Variants in GUCY1A2 observed in about 807,000 individuals in gnomAD.
The protein encoded by GUCY1A2 is guanylate cyclase 1 soluble subunit alpha 2.
In GUCY1A2, 27 loss-of-function variants were observed where a neutral mutation model predicts 63.5. The observed-to-expected ratio is 0.43, with a 90% CI of 0.31 to 0.59. The LOEUF (loss-of-function observed/expected upper bound fraction) is 0.59. Ranked by LOEUF, GUCY1A2 falls within the 20% of genes least tolerant of loss-of-function variation. The pLI, the probability that GUCY1A2 is intolerant of heterozygous loss-of-function variation, is 0.11. For synonymous variants in GUCY1A2, 364 were observed against 343.5 expected, an observed-to-expected ratio of 1.06 and a Z score of -0.66; for missense variants, 768 against 913.3, an observed-to-expected ratio of 0.84 and a Z score of 2.05.
chr11:106,940,030 A>G lies in GUCY1A2; in HGVS notation c.636T>C (p.Thr212=). 5 of 1,614,068 alleles carry G rather than the reference A, an allele frequency of 3.1e-6. No individual in the cohort carries two copies. The highest frequency in any genetic ancestry group is 4.2e-6 in the Non-Finnish European group (5 of 1,179,944). ...GFDALLEHIR[T]SFGKQATLES... is the part of the protein sequence containing the mutation. ...CCAGAGTGGCCTGTTTTCCAAAAGA[A>G]GTTCTAATGTGTTCCAACAAAGCAT... The change falls in exon 4 of 8, where the codon ACT becomes ACC. Residue 212 remains threonine, a synonymous_variant. Coordinates refer to ENST00000526355, the MANE Select transcript of GUCY1A2 (RefSeq NM_000855.3).
intron 5 of GUCY1A2, among the ~76,000 whole-genome samples, chr11:106,791,885 G>C (rs1398799671): frequency 6.6e-6 from 1 of 151,902 alleles, no homozygotes; most frequent in African/African-American, 2.4e-5. Context: ...AGAAGAGCTG[G>C]TACCATTCCT....
intron 4 of GUCY1A2, among the ~76,000 whole-genome samples, chr11:106,820,666 G>A (rs190401881): frequency 2.6e-5 from 4 of 152,254 alleles, no homozygotes; most frequent in Non-Finnish European, 5.9e-5. Flanking sequence ...CCAAAGTGCC[G>A]GGATTATAGG....
Position 106,776,821 on chromosome 11 carries a change from A to G in GUCY1A2, c.1693-239T>C, listed in dbSNP as rs148545929. On this transcript the variant is annotated intron_variant, in intron 5 of 7. Coordinates refer to ENST00000526355, the MANE Select transcript of GUCY1A2 (RefSeq NM_000855.3). The stretch of plus-strand genomic sequence containing the variant: ...ACTAGAGATGATCATTGAAATTAGG[A>G]ACAACTATAATATAAAATAATTATC... 1.3e-3 allele frequency among the ~76,000 whole-genome samples: 203 copies of G among 152,262 alleles called. 1 individual carries two copies. The highest frequency in any genetic ancestry group is 4.8e-3 in the African/African-American group (199 of 41,550).
intron 6 of GUCY1A2, among the ~76,000 whole-genome samples, chr11:106,755,335 G>A (rs1863954307): frequency 6.6e-6 from 1 of 151,668 alleles, no homozygotes; most frequent in Non-Finnish European, 1.5e-5. Flanking sequence ...TTTTTTTTGT[G>A]TCTCTACCTC....
intron 4 of GUCY1A2, among the ~76,000 whole-genome samples, chr11:106,881,363 C>A (rs1859820916): frequency 6.6e-6 from 1 of 152,050 alleles, no homozygotes; most frequent in Non-Finnish European, 1.5e-5. Flanking sequence ...AAAGCTCTGA[C>A]TTCATGAATT....
At chr11:106,955,622 G>A (rs1860973938) in intron 3 of GUCY1A2, among the ~76,000 whole-genome samples, 1 of 152,130 alleles carries the variant, frequency 6.6e-6, no homozygotes, top group Non-Finnish European at 1.5e-5. Flanking sequence ...TTAAATATTG[G>A]CCCCCAATCT....
intron 4 of GUCY1A2, among the ~76,000 whole-genome samples, chr11:106,889,691 C>T (rs1439413430): frequency 6.6e-6 from 1 of 152,176 alleles, no homozygotes; most frequent in Non-Finnish European, 1.5e-5. Context: ...TGCTTCACCT[C>T]CCACTGTCCA....
At chr11:106,703,636 C>A (rs529977865) in intron 7 of GUCY1A2, among the ~76,000 whole-genome samples, 5 of 152,112 alleles carry the variant, frequency 3.3e-5, no homozygotes, top group African/African-American at 1.2e-4. Flanking sequence ...GGCCTCATGA[C>A]GCCCACGCTG....
Position 106,680,551 on chromosome 11 carries a change from AG to A in GUCY1A2, c.*6997del, listed in dbSNP as rs1245474707. On this transcript the variant is annotated 3_prime_UTR_variant, in exon 8 of 8. Transcript: ENST00000526355. ...TCAGCAACTAGCTGAATTAACTGGA[AG>A]GATAACTTCAGTGTAATTTAATAGA... 1 of 197,468 alleles carries A rather than the reference AG, an allele frequency of 5.1e-6. No individual in the cohort carries two copies. Among genetic ancestry groups the A allele is most frequent in the Non-Finnish European group, 1.0e-5 (1 of 95,398 alleles). The allele number at this position is 197,468 out of a possible 1,614,324, so 12.2% of individuals were successfully genotyped here.
intron 4 of GUCY1A2, among the ~76,000 whole-genome samples, chr11:106,907,167 C>G (rs1014347841): frequency 2.4e-4 from 36 of 152,192 alleles, no homozygotes; most frequent in African/African-American, 8.2e-4. Flanking sequence ...AACCAAAGAA[C>G]TGTTGTTTCC....
At chr11:107,017,651 A>AGCGGTCGGGCTCT in intron 1 of GUCY1A2, 102 bp downstream of exon 1, 2 of 581,064 alleles carry the variant, frequency 3.4e-6, no homozygotes, top group Non-Finnish European at 5.1e-6. Flanking sequence ...GCCGCCCCCC[A>AGCGGTCGGGCTCT]GCGGTCGGGC....
At chr11:106,834,009 A>C (rs1442977964) in intron 4 of GUCY1A2, among the ~76,000 whole-genome samples, 1 of 152,022 alleles carries the variant, frequency 6.6e-6, no homozygotes, top group African/African-American at 2.4e-5. Context: ...ATATACTGTG[A>C]ATTGATTACC....
chr11:107,005,771 T>C (rs1861663107), intron 1 of GUCY1A2, among the ~76,000 whole-genome samples: 1 of 152,160 alleles, frequency 6.6e-6, no homozygotes, highest in South Asian at 2.1e-4. Context: ...GTTTTTAAGA[T>C]TTCTGAAAGA....
intron 3 of GUCY1A2, among the ~76,000 whole-genome samples, chr11:106,950,245 C>T (rs1300407540): frequency 1.3e-5 from 2 of 152,226 alleles, no homozygotes; most frequent in African/African-American, 4.8e-5. Context: ...CAGATGCTGG[C>T]AACCTGGCAG....
In GUCY1A2 at chr11:106,923,231, T is replaced by A. The variant is rs1385453605; in HGVS notation, c.1206+16229A>T. On this transcript the variant is annotated intron_variant, in intron 4 of 7. Transcript: ENST00000526355. ...GGATGAATAATTGTATCGAATATAA[T>A]ACCTTACATAAGCAGTGCCCTTTAA... 2.0e-5 allele frequency among the ~76,000 whole-genome samples: 3 copies of A among 152,212 alleles called. No homozygotes were observed. The East Asian group carries it at 5.8e-4, about 29-fold the overall frequency.
At chr11:106,856,105 AT>A (rs142419502) in intron 4 of GUCY1A2, among the ~76,000 whole-genome samples, 10 of 146,112 alleles carry the variant, frequency 6.8e-5, no homozygotes, top group Admixed American at 6.8e-5. Context: ...TTTTTTTTGT[AT>A]TTTTTTTTTG....
chr11:106,721,329 G>A (rs983752153), intron 6 of GUCY1A2, among the ~76,000 whole-genome samples: 6 of 152,156 alleles, frequency 3.9e-5, no homozygotes, highest in African/African-American at 1.4e-4. Context: ...AAAGTGCTGG[G>A]ATTACAGGAG....
rs1052027492 is a variant in GUCY1A2, at chr11:106,793,505, C to T, written c.1692+16488G>A. 5.9e-5 allele frequency among the ~76,000 whole-genome samples: 9 copies of T among 151,942 alleles called. No homozygotes were observed. In the South Asian group the frequency reaches 1.9e-3, roughly 32 times the overall value. ...AAGCAAAAATTAGCAAGTGGGATTACATCAGACTAAAAATATTCTGCATAG... is the reference window on the plus strand; with the variant it reads ...AAGCAAAAATTAGCAAGTGGGATTATATCAGACTAAAAATATTCTGCATAG... On this transcript the variant is annotated intron_variant, in intron 5 of 7. Transcript: ENST00000526355.
chr11:106,805,490 C>T (rs957451661), intron 5 of GUCY1A2, among the ~76,000 whole-genome samples: 5 of 152,170 alleles, frequency 3.3e-5, no homozygotes, highest in Non-Finnish European at 7.4e-5. Context: ...AGGTGATCCA[C>T]CCACCTCGGC....
Sources: allele counts gnomAD v4.1 joint callset (sites outside exome capture counted in the v4.1 genomes callset), GRCh38; gene constraint gnomAD v4.1.1; transcripts MANE v1.5; gene names NCBI Gene and HGNC (gene_info 2026-07-23, HGNC 2026-07-21).